EHF: variants seen among roughly 807,000 people sequenced by gnomAD.
EHF encodes ESE3 transcription factor.
In EHF, 14 loss-of-function variants were observed where a neutral mutation model predicts 45.1. That is an observed-to-expected ratio of 0.31 (90% CI 0.21 to 0.49). The LOEUF is 0.49. Among genes scored for constraint, EHF ranks in the 20% least tolerant of loss-of-function variants. The pLI, the probability that EHF is intolerant of heterozygous loss-of-function variation, is 0.99. For synonymous variants in EHF, 136 were observed against 131.8 expected (o/e 1.03, Z -0.22); for missense variants, 282 against 371.4 (o/e 0.76, Z 1.98).
At chr11:34,643,150 T>C (rs1466753425) in intron 2 of EHF, among the ~76,000 whole-genome samples, 1 of 152,030 alleles carries the variant, frequency 6.6e-6, no homozygotes, top group Non-Finnish European at 1.5e-5. Flanking sequence ...GTTCAATCTT[T>C]CTTTTTTCGT....
In EHF at chr11:34,663,024, T is replaced by G. The variant is rs985327763; in HGVS notation, c.*4093T>G. Among the ~76,000 whole-genome samples the G allele has an allele frequency of 2.6e-5, 4 of 152,112 alleles. No individual in the cohort carries two copies. The highest frequency in any genetic ancestry group is 5.9e-5 in the Non-Finnish European group (4 of 68,006). On this transcript the variant is annotated 3_prime_UTR_variant, in exon 9 of 9. Transcript: ENST00000257831. ...CTGAAACGTACAAGCCTTCACAAGT[T>G]TAACTAAATTGGGATTAATCTTTCT...
At chr11:34,656,878 C>T (rs1201473691) in intron 6 of EHF, 30 bp from the exon 7 acceptor site, 1 of 1,609,250 alleles carries the variant, frequency 6.2e-7, no homozygotes, top group Non-Finnish European at 8.5e-7. Flanking sequence ...GGAAATAGGT[C>T]AATTAAACGC....
intron 1 of EHF, among the ~76,000 whole-genome samples, chr11:34,639,705 A>T (rs1395072818): frequency 6.6e-6 from 1 of 152,242 alleles, no homozygotes; most frequent in East Asian, 1.9e-4. Context: ...GGGTTAAGCC[A>T]CACAAACTCT....
chr11:34,622,486 T>C, intron 1 of EHF: 2 of 965,284 alleles, frequency 2.1e-6, no homozygotes, highest in Non-Finnish European at 2.8e-6. Context: ...TGTGTGTTAA[T>C]TCCACTGGGG....
At chr11:34,623,389 T>C (rs1318587600) in intron 1 of EHF, among the ~76,000 whole-genome samples, 1 of 152,002 alleles carries the variant, frequency 6.6e-6, no homozygotes, top group Non-Finnish European at 1.5e-5. Flanking sequence ...CCCAGCCATA[T>C]TGTTTTCATT....
chr11:34,629,671 A>G (rs905713114), intron 1 of EHF, among the ~76,000 whole-genome samples: 1 of 152,186 alleles, frequency 6.6e-6, no homozygotes, highest in African/African-American at 2.4e-5. Flanking sequence ...GAAGAGGGGA[A>G]GACTTTTCCT....
chr11:34,635,450 C>T (rs200072085), intron 1 of EHF, among the ~76,000 whole-genome samples: 27 of 113,222 alleles, frequency 2.4e-4, no homozygotes, highest in Admixed American at 3.0e-4. Context: ...AAACCTTATT[C>T]TTTTTTTTTT....
At chr11:34,658,481 A>G in intron 7 of EHF, 52 bp from the exon 8 acceptor site, 4 of 1,511,324 alleles carry the variant, frequency 2.6e-6, no homozygotes, top group Non-Finnish European at 3.6e-6. Flanking sequence ...TCTCTGCCCT[A>G]TCTTTGCTGT....
chr11:34,623,941 C>T (rs1035591031), intron 1 of EHF, among the ~76,000 whole-genome samples: 2 of 152,128 alleles, frequency 1.3e-5, no homozygotes, highest in African/African-American at 4.8e-5. Context: ...TCTTTTCTCC[C>T]TTCCTCCATA....
At chr11:34,641,692 C>G (rs970281558) in intron 1 of EHF, among the ~76,000 whole-genome samples, 2 of 152,190 alleles carry the variant, frequency 1.3e-5, no homozygotes, top group Non-Finnish European at 2.9e-5. Context: ...GTTTAAATGA[C>G]TGAACACACG....
At chr11:34,640,198 C>T (rs762937746) in intron 1 of EHF, among the ~76,000 whole-genome samples, 6 of 152,094 alleles carry the variant, frequency 3.9e-5, no homozygotes, top group Non-Finnish European at 8.8e-5. Context: ...AGCAGGGGAA[C>T]TGGAATCTGA....
chr11:34,646,886 T>C (rs1854602624), intron 3 of EHF: 2 of 613,826 alleles, frequency 3.3e-6, no homozygotes, highest in Non-Finnish European at 5.5e-6. Context: ...TAATCCCTTA[T>C]AAATGCCAGT....
intron 1 of EHF, chr11:34,622,538 G>A (rs1431894764): frequency 1.0e-5 from 4 of 381,380 alleles, no homozygotes; most frequent in Admixed American, 4.2e-5. Context: ...AAGAAGATAC[G>A]TTATTAGGAA....
intron 1 of EHF, among the ~76,000 whole-genome samples, chr11:34,633,321 T>C (rs150246313): frequency 1.5e-4 from 23 of 152,342 alleles, no homozygotes; most frequent in Admixed American, 4.6e-4. Context: ...GTCTCTAACT[T>C]TATAAGGACT....
rs188424113 is a variant in EHF, at chr11:34,630,985, C to A, written c.-4+9757C>A. On this transcript the variant is annotated intron_variant, in intron 1 of 8. Coordinates refer to ENST00000257831, the MANE Select transcript of EHF (RefSeq NM_012153.6). ...GGGGAAATGTTGCATGTTGCCTTGACTGTGCTTTCTTCTACAAAGCTTAAA... is the reference window on the plus strand; with the variant it reads ...GGGGAAATGTTGCATGTTGCCTTGAATGTGCTTTCTTCTACAAAGCTTAAA... 2.7e-3 allele frequency among the ~76,000 whole-genome samples: 414 copies of A among 152,258 alleles called. 2 individuals are homozygous for A. Among genetic ancestry groups the A allele is most frequent in the African/African-American group, 9.1e-3 (378 of 41,556 alleles).
chr11:34,623,523 T>C (rs1047787396), intron 1 of EHF, among the ~76,000 whole-genome samples: 2 of 152,234 alleles, frequency 1.3e-5, no homozygotes, highest in Non-Finnish European at 2.9e-5. Context: ...CTCCCATTAA[T>C]TGACCAACTT....
intron 1 of EHF, among the ~76,000 whole-genome samples, chr11:34,641,737 G>T (rs895244195): frequency 6.6e-6 from 1 of 152,166 alleles, no homozygotes; most frequent in South Asian, 2.1e-4. Context: ...GAGGGTGCCC[G>T]CTTGGGAATA....
In EHF at chr11:34,628,197, C is replaced by A. The variant is rs566475082; in HGVS notation, c.-4+6969C>A. Among the ~76,000 whole-genome samples the A allele has an allele frequency of 2.4e-4, 36 of 152,154 alleles. No individual in the cohort carries two copies. The South Asian group carries it at 6.9e-3, about 29-fold the overall frequency. On this transcript the variant is annotated intron_variant, in intron 1 of 8. Transcript: ENST00000257831. Reference sequence around the variant, plus strand: ...AGGCTGCAGTGAGCCAAGATCACACCACTGCACTCTAGCCTGAGCAACAGA... The same window carrying A: ...AGGCTGCAGTGAGCCAAGATCACACAACTGCACTCTAGCCTGAGCAACAGA...
intron 3 of EHF, chr11:34,647,044 C>CAA (rs201974574): frequency 2.9e-4 from 46 of 157,250 alleles, no homozygotes; most frequent in South Asian, 7.0e-4. Flanking sequence ...ATCATGGTTA[C>CAA]AAAAAAAAAA....
Sources: allele counts gnomAD v4.1 joint callset (sites outside exome capture counted in the v4.1 genomes callset), GRCh38; gene constraint gnomAD v4.1.1; transcripts MANE v1.5; gene names NCBI Gene and HGNC (gene_info 2026-07-23, HGNC 2026-07-21).